The following ARHGAP39 variants were observed in gnomAD, a reference collection of about 807,000 sequenced individuals.
The protein encoded by ARHGAP39 is rho GTPase-activating protein 39.
In ARHGAP39, 44 loss-of-function variants were observed where a neutral mutation model predicts 106.9. That is an observed-to-expected ratio of 0.41 (90% CI 0.32 to 0.53). The LOEUF (loss-of-function observed/expected upper bound fraction) is 0.53, where lower values mean the gene tolerates loss of function less well. ARHGAP39 is among the 20% of genes least tolerant of loss of function. The pLI, the probability that ARHGAP39 is intolerant of heterozygous loss-of-function variation, is 0.21. For synonymous variants in ARHGAP39, 768 were observed against 693.2 expected, an observed-to-expected ratio of 1.11 and a Z score of -1.69; for missense variants, 1,496 against 1,577.3, an observed-to-expected ratio of 0.95 and a Z score of 0.87.
intron 2 of ARHGAP39, among the ~76,000 whole-genome samples, chr8:144,588,226 A>G (rs558009178): frequency 3.6e-4 from 55 of 152,302 alleles, no homozygotes; most frequent in African/African-American, 1.3e-3. Flanking sequence ...ACCCAGCAAG[A>G]CAGAGCAGGG....
rs1477466497 is a variant in ARHGAP39 at position 144,645,569 on chromosome 8, C to A, written c.-81-39874G>T. On this transcript the variant is annotated intron_variant, in intron 1 of 11. Coordinates refer to ENST00000377307, the MANE Select transcript of ARHGAP39 (RefSeq NM_025251.3). This position sits in a 1 kb window ranked among gnomAD's most constrained non-coding sequence, Gnocchi z 4.4. ...ACTGAAGGGCTCCATGAGGGCAGGGCCTCCCTGCCTCACTCTGGTCTCTCC... is the reference window on the plus strand; with the variant it reads ...ACTGAAGGGCTCCATGAGGGCAGGGACTCCCTGCCTCACTCTGGTCTCTCC... 6.6e-6 allele frequency among the ~76,000 whole-genome samples: 1 copy of A among 152,228 alleles called. No individual in the cohort carries two copies. The highest frequency in any genetic ancestry group is 1.5e-5 in the Non-Finnish European group (1 of 68,030).
At chr8:144,539,621 T>C (rs1817110703) in intron 6 of ARHGAP39, among the ~76,000 whole-genome samples, 1 of 152,234 alleles carries the variant, frequency 6.6e-6, no homozygotes, top group South Asian at 2.1e-4. Flanking sequence ...CATCTTTTGT[T>C]TGCATTTGGA....
At chr8:144,602,834 G>GTGCA (rs1260737008) in intron 2 of ARHGAP39, among the ~76,000 whole-genome samples, 1 of 143,228 alleles carries the variant, frequency 7.0e-6, no homozygotes, top group African/African-American at 2.6e-5. Flanking sequence ...GTACCTGTGT[G>GTGCA]CATGGAGGCG....
rs1193968382 is a variant in ARHGAP39, at chr8:144,644,063, G to GAA, written c.-81-38370_-81-38369dup. On this transcript the variant is annotated intron_variant, in intron 1 of 11. Coordinates refer to ENST00000377307, the MANE Select transcript of ARHGAP39 (RefSeq NM_025251.3). The surrounding 1 kb of genome is among the most constrained non-coding windows in gnomAD (Gnocchi z 4.8). ...CGTGACCCAGCAATTCCACTCCCAG[G>GAA]AATCTAGTCGGGAGACATGAAGTCA... Among the ~76,000 whole-genome samples the GAA allele has an allele frequency of 6.6e-6, 1 of 152,130 alleles. No homozygotes were observed. Among genetic ancestry groups the GAA allele is most frequent in the African/African-American group, 2.4e-5 (1 of 41,412 alleles).
intron 2 of ARHGAP39, among the ~76,000 whole-genome samples, chr8:144,588,536 C>G (rs1229042790): frequency 6.6e-6 from 1 of 152,204 alleles, no homozygotes; most frequent in Non-Finnish European, 1.5e-5. Flanking sequence ...CTGTGGGGAC[C>G]GCGGAGAGCG....
At chr8:144,549,602 C>A (rs1380079306) in intron 4 of ARHGAP39, among the ~76,000 whole-genome samples, 1 of 152,178 alleles carries the variant, frequency 6.6e-6, no homozygotes, top group Non-Finnish European at 1.5e-5. Context: ...AAGCGATTCT[C>A]CTGCCTCAGC....
At chr8:144,607,535 C>T (rs932915883) in intron 1 of ARHGAP39, among the ~76,000 whole-genome samples, 1 of 152,238 alleles carries the variant, frequency 6.6e-6, no homozygotes, top group Non-Finnish European at 1.5e-5. Context: ...CTTCTTGCTC[C>T]CGGATGCCCC....
chr8:144,618,329 G>A (rs1052284447), intron 1 of ARHGAP39, among the ~76,000 whole-genome samples: 2 of 152,180 alleles, frequency 1.3e-5, no homozygotes, highest in African/African-American at 2.4e-5. Flanking sequence ...ATCACGTCCC[G>A]CCTCTTCTTT....
intron 1 of ARHGAP39, among the ~76,000 whole-genome samples, chr8:144,608,370 CT>C (rs1004765901): frequency 2.0e-4 from 31 of 152,246 alleles, no homozygotes; most frequent in African/African-American, 6.5e-4. Context: ...TATGCACCTG[CT>C]TTCCATCCTC....
At chr8:144,589,722 G>T (rs117377416) in intron 2 of ARHGAP39, among the ~76,000 whole-genome samples, 3,028 of 152,364 alleles carry the variant, frequency 0.02, 74 homozygotes, top group Admixed American at 0.064. Context: ...CATCTCTGCA[G>T]CCTGTGGCAG....
In ARHGAP39 at chr8:144,604,329, C is replaced by T. The variant is rs890854424; in HGVS notation, c.80+1206G>A. On this transcript the variant is annotated intron_variant, in intron 2 of 11. Coordinates refer to ENST00000377307, the MANE Select transcript of ARHGAP39 (RefSeq NM_025251.3). The surrounding 1 kb of genome is among the most constrained non-coding windows in gnomAD (Gnocchi z 4.1). ...GGAGGACCCAACACCACCTGTATGGCATTCTCCTGAAAAACTGTCAGACAA... is the reference window on the plus strand; with the variant it reads ...GGAGGACCCAACACCACCTGTATGGTATTCTCCTGAAAAACTGTCAGACAA... Among the ~76,000 whole-genome samples the T allele has an allele frequency of 2.0e-5, 3 of 152,198 alleles. No homozygotes were observed. The highest frequency in any genetic ancestry group is 4.8e-5 in the African/African-American group (2 of 41,444).
In ARHGAP39 at chr8:144,666,599, C is replaced by T. The variant is rs558489146; in HGVS notation, c.-82+19087G>A. Among the ~76,000 whole-genome samples the T allele has an allele frequency of 2.0e-5, 3 of 152,110 alleles. No homozygotes were observed. In the South Asian group the frequency reaches 6.2e-4, roughly 32 times the overall value. On this transcript the variant is annotated intron_variant, in intron 1 of 11. Coordinates refer to ENST00000377307, the MANE Select transcript of ARHGAP39 (RefSeq NM_025251.3). Reference sequence around the variant, plus strand: ...CGAGATCTAATGGGTTTATGGGGGGCTTCTGCCTTTGCTTCTTTCTCATTT... The same window carrying T: ...CGAGATCTAATGGGTTTATGGGGGGTTTCTGCCTTTGCTTCTTTCTCATTT...
chr8:144,619,691 TGA>T (rs367890916), intron 1 of ARHGAP39, among the ~76,000 whole-genome samples: 283 of 150,716 alleles, frequency 1.9e-3, no homozygotes, highest in African/African-American at 6.3e-3. Context: ...CCTGTGTGCA[TGA>T]GAGCTTGTGT....
chr8:144,551,321 G>T (rs2130851447), intron 4 of ARHGAP39, among the ~76,000 whole-genome samples: 1 of 152,298 alleles, frequency 6.6e-6, no homozygotes, highest in East Asian at 1.9e-4. Flanking sequence ...AACGGACATG[G>T]GTTCTGCCCA....
intron 3 of ARHGAP39, among the ~76,000 whole-genome samples, chr8:144,557,591 T>C (rs1163253996): frequency 6.8e-6 from 1 of 148,106 alleles, no homozygotes; most frequent in African/African-American, 2.5e-5. Flanking sequence ...GGCTGAACCT[T>C]CGTAGTATTC....
chr8:144,582,239 GC>G (rs1290330068), intron 2 of ARHGAP39, among the ~76,000 whole-genome samples: 4 of 152,190 alleles, frequency 2.6e-5, no homozygotes, highest in Admixed American at 6.5e-5. Flanking sequence ...GACAGAAAGA[GC>G]CCCCCTGGCG....
chr8:144,611,931 T>C (rs539258756), intron 1 of ARHGAP39, among the ~76,000 whole-genome samples: 104 of 150,806 alleles, frequency 6.9e-4, no homozygotes, highest in Admixed American at 1.9e-3. Flanking sequence ...ATCGCCTGAA[T>C]CTGGGAGGTG....
intron 7 of ARHGAP39, among the ~76,000 whole-genome samples, chr8:144,534,523 C>T (rs1816875805): frequency 6.6e-6 from 1 of 152,236 alleles, no homozygotes; most frequent in Non-Finnish European, 1.5e-5. Flanking sequence ...CTGCTCCCTC[C>T]CCGGGGCCTG....
chr8:144,664,710 C>T (rs530910941), intron 1 of ARHGAP39, among the ~76,000 whole-genome samples: 19 of 151,968 alleles, frequency 1.3e-4, no homozygotes, highest in African/African-American at 4.4e-4. Context: ...GAGGCTTCCA[C>T]TTTTGCTTCT....
Sources: gnomAD v4.1 joint callset for allele counts (sites outside exome capture counted in the v4.1 genomes callset) on GRCh38, gnomAD v4.1.1 for gene constraint, Gnocchi (gnomAD v3.1) non-coding constraint, MANE v1.5 for transcripts, NCBI Gene and HGNC (gene_info 2026-07-23, HGNC 2026-07-21) for gene names.